The following MYO5C variants were observed in gnomAD, a reference collection of about 807,000 sequenced individuals.
MYO5C encodes unconventional myosin-Vc.
In MYO5C, 194 loss-of-function variants were observed where a neutral mutation model predicts 235.7. The ratio of observed to expected loss-of-function variants is 0.82; its 90% CI spans 0.73 to 0.93. MYO5C has a LOEUF of 0.93. Among genes scored for constraint, MYO5C ranks in the 40% least tolerant of loss-of-function variants. The pLI, the probability that MYO5C is intolerant of heterozygous loss-of-function variation, is 0.00. For synonymous variants in MYO5C, 707 were observed against 754.8 expected (o/e 0.94, Z 1.04); for missense variants, 2,038 against 2,127.2 (o/e 0.96, Z 0.82).
At chr15:52,269,925 G>A (rs924879678) in intron 7 of MYO5C, 65 bp from the exon 8 acceptor site, 4 of 1,080,132 alleles carry the variant, frequency 3.7e-6, no homozygotes, top group Non-Finnish European at 5.7e-6. Context: ...ACATTTATCA[G>A]AAGAAGGGAA....
At chr15:52,204,708 C>A (rs909671158) in intron 38 of MYO5C, among the ~76,000 whole-genome samples, 157 bp downstream of exon 38, 39 of 152,070 alleles carry the variant, frequency 2.6e-4, no homozygotes, top group Admixed American at 1.6e-3. Flanking sequence ...GCGCCAGCAT[C>A]CCGGGGCTCC....
chr15:52,256,511 T>A, intron 11 of MYO5C, 128 bp downstream of exon 11: 1 of 641,580 alleles, frequency 1.6e-6, no homozygotes. Flanking sequence ...AGCGTGAGGC[T>A]CCTTGCATAA....
At chr15:52,265,047 C>T (rs1363586104) in intron 8 of MYO5C, 1 of 152,298 alleles carries the variant, frequency 6.6e-6, no homozygotes, top group Admixed American at 6.5e-5. Context: ...GTATTAATAG[C>T]TCCCCTAGAC....
chr15:52,200,780 A>T (rs1277261308), intron 38 of MYO5C, among the ~76,000 whole-genome samples: 2 of 152,152 alleles, frequency 1.3e-5, no homozygotes, highest in African/African-American at 4.8e-5. Flanking sequence ...ATGCTCTAAA[A>T]AGTAAAGCCA....
chr15:52,286,140 G>A (rs916547486), intron 1 of MYO5C, among the ~76,000 whole-genome samples: 14 of 150,864 alleles, frequency 9.3e-5, no homozygotes, highest in Non-Finnish European at 2.1e-4. Context: ...TGAGAAGTGA[G>A]GAGTCCCTCC....
chr15:52,253,904 G>A (rs758452353), intron 11 of MYO5C, among the ~76,000 whole-genome samples: 2 of 147,260 alleles, frequency 1.4e-5, no homozygotes, highest in Non-Finnish European at 1.5e-5. Flanking sequence ...CACTTGGGCT[G>A]TAAGGGTATC....
At chr15:52,277,591 C>T (rs79585796) in intron 4 of MYO5C, among the ~76,000 whole-genome samples, 8,539 of 152,218 alleles carry the variant, frequency 0.056, 470 homozygotes, top group African/African-American at 0.14. Flanking sequence ...GTCTGCCTGA[C>T]GAGCTGTTAG....
chr15:52,292,316 G>T (rs1166830308), intron 1 of MYO5C, among the ~76,000 whole-genome samples: 1 of 152,174 alleles, frequency 6.6e-6, no homozygotes, highest in African/African-American at 2.4e-5. Context: ...CTGTGTGCGG[G>T]GAAAAGGTCA....
chr15:52,293,852 A>G (rs2037445385), intron 1 of MYO5C, among the ~76,000 whole-genome samples: 1 of 152,176 alleles, frequency 6.6e-6, no homozygotes, highest in Non-Finnish European at 1.5e-5. Context: ...GCCCCCACTC[A>G]AAACCCACAC....
At chr15:52,212,240 TAC>T (rs1216216092) in intron 34 of MYO5C, among the ~76,000 whole-genome samples, 1 of 152,130 alleles carries the variant, frequency 6.6e-6, no homozygotes, top group East Asian at 1.9e-4. Flanking sequence ...GAGGATGGCG[TAC>T]AGTGTCCACA....
intron 1 of MYO5C, among the ~76,000 whole-genome samples, chr15:52,287,277 G>A (rs946115055): frequency 6.6e-6 from 1 of 152,172 alleles, no homozygotes; most frequent in Non-Finnish European, 1.5e-5. Context: ...CAGATAGGAC[G>A]ATGGAGGCCT....
intron 23 of MYO5C, among the ~76,000 whole-genome samples, chr15:52,233,327 T>C (rs1424571741): frequency 6.7e-6 from 1 of 149,506 alleles, no homozygotes; most frequent in Admixed American, 6.7e-5. Context: ...AATAAATAAA[T>C]AGAAACCCTT....
At chr15:52,208,457 C>A in intron 36 of MYO5C, 97 bp downstream of exon 36, 1 of 1,086,600 alleles carries the variant, frequency 9.2e-7, no homozygotes, top group Non-Finnish European at 1.4e-6. Context: ...TGTTGGCCTC[C>A]TGGTGGAGAG....
chr15:52,204,825 T>C, intron 38 of MYO5C, 40 bp downstream of exon 38: 6 of 1,599,908 alleles, frequency 3.8e-6, no homozygotes, highest in Non-Finnish European at 5.1e-6. Flanking sequence ...GCATCCTTTC[T>C]GCAGGCCTCT....
At chr15:52,248,287 G>A (rs1329542789) in intron 14 of MYO5C, among the ~76,000 whole-genome samples, 1 of 151,960 alleles carries the variant, frequency 6.6e-6, no homozygotes, top group Non-Finnish European at 1.5e-5. Flanking sequence ...GGGACTACAG[G>A]CATGTCACCA....
At chr15:52,240,792 A>AC (rs1566975408) in intron 20 of MYO5C, among the ~76,000 whole-genome samples, 1 of 151,942 alleles carries the variant, frequency 6.6e-6, no homozygotes. Context: ...CCAGAATGAA[A>AC]CCCCCCAAAA....
intron 37 of MYO5C, chr15:52,205,367 T>G (rs1373993713): frequency 1.8e-6 from 1 of 568,750 alleles, no homozygotes; most frequent in East Asian, 3.0e-5. Context: ...GCTCCTCTTG[T>G]AGGTTTGAAG....
intron 8 of MYO5C, among the ~76,000 whole-genome samples, chr15:52,266,542 C>T (rs7175945): frequency 0.97 from 148,081 of 152,286 alleles, 72,146 homozygotes; most frequent in East Asian, 1. Context: ...CCTCAGGCAC[C>T]GTCCTTGGTA....
At chr15:52,295,442 G>C (rs1488888710) in intron 1 of MYO5C, among the ~76,000 whole-genome samples, 168 bp downstream of exon 1, 1 of 152,118 alleles carries the variant, frequency 6.6e-6, no homozygotes, top group East Asian at 1.9e-4. Flanking sequence ...CGTGTCCCCG[G>C]TCCCCGTGGC....
Sources: allele counts gnomAD v4.1 joint callset (sites outside exome capture counted in the v4.1 genomes callset), GRCh38; gene constraint gnomAD v4.1.1; transcripts MANE v1.5; gene names NCBI Gene and HGNC (gene_info 2026-07-23, HGNC 2026-07-21).